C12orf75: variants seen among roughly 807,000 people sequenced by gnomAD.
C12orf75 encodes the protein overexpressed in colon carcinoma 1 protein.
In C12orf75, 4 loss-of-function variants were observed where a neutral mutation model predicts 11.4. The observed-to-expected ratio is 0.35, with a 90% CI of 0.17 to 0.80. The LOEUF is 0.80. Among genes scored for constraint, C12orf75 ranks in the 30% least tolerant of loss-of-function variants. C12orf75 has a pLI of 0.52. For missense variants in C12orf75, 89 were observed against 80.4 expected, an observed-to-expected ratio of 1.11 and a Z score of -0.41; for synonymous variants, 30 against 30.0, an observed-to-expected ratio of 1.00 and a Z score of 0.00.
At chr12:105,331,026 CAG>C in intron 1 of C12orf75, 89 bp downstream of exon 1, 7 of 803,270 alleles carry the variant, frequency 8.7e-6, no homozygotes, top group African/African-American at 1.8e-5. Flanking sequence ...GGGGGGCGCG[CAG>C]CCCCCTCTCC....
intron 1 of C12orf75, among the ~76,000 whole-genome samples, chr12:105,338,297 C>T (rs949362618): frequency 4.6e-5 from 7 of 152,188 alleles, no homozygotes; most frequent in Non-Finnish European, 8.8e-5. Context: ...TCCTCGGCCT[C>T]CCGAGTAGCT....
At chr12:105,368,360 G>C (rs1175723965) in intron 5 of C12orf75, among the ~76,000 whole-genome samples, 29 of 152,150 alleles carry the variant, frequency 1.9e-4, no homozygotes, top group Admixed American at 1.9e-3. Context: ...TCCTGAGATA[G>C]CCTGTTCTAT....
chr12:105,336,480 A>C (rs180934136), intron 1 of C12orf75, among the ~76,000 whole-genome samples: 5 of 152,370 alleles, frequency 3.3e-5, no homozygotes, highest in Admixed American at 3.3e-4. Flanking sequence ...CGTATATTGT[A>C]AGTACCCAAT....
rs1363787643 is a variant in C12orf75 at position 105,336,884 on chromosome 12, G to A, written c.46+5947G>A. 2.6e-5 allele frequency among the ~76,000 whole-genome samples: 4 copies of A among 152,298 alleles called. No homozygotes were observed. The South Asian group carries it at 8.3e-4, about 32-fold the overall frequency. On this transcript the variant is annotated intron_variant, in intron 1 of 5. Coordinates refer to ENST00000443585, the MANE Select transcript of C12orf75 (RefSeq NM_001145199.2). The stretch of plus-strand genomic sequence containing the variant: ...GAGGTGTGGAGACCCCTCTGCTCAG[G>A]TAGTAATCATTGGTGAGACAGAACC...
At chr12:105,331,632 A>G (rs1474823910) in intron 1 of C12orf75, among the ~76,000 whole-genome samples, 1 of 151,024 alleles carries the variant, frequency 6.6e-6, no homozygotes. Context: ...ACAAATAGAA[A>G]CTTCTTTTTA....
At chr12:105,370,492 CTTAAA>C in intron 5 of C12orf75, 137 bp from the exon 6 acceptor site, 3 of 421,838 alleles carry the variant, frequency 7.1e-6, no homozygotes, top group South Asian at 5.2e-5. Context: ...CCACCTAAGT[CTTAAA>C]TTAATATTGG....
Position 105,365,807 on chromosome 12 carries a change from A to G in C12orf75, c.72A>G (p.Val24=). The change falls in exon 3 of 6, where the codon GTA becomes GTG. Residue 24 remains valine (V), a splice_region_variant and synonymous_variant. Transcript: ENST00000443585. ...GQGPAGAAKD[V]TEESVTEDDK... ...ATAGCAAATGTTTCTGACCTTTTAG[A>G]ACAGAAGAATCCGTAACAGAAGATG... 1.3e-6 allele frequency: 2 copies of G among 1,547,898 alleles called. No individual in the cohort carries two copies. Among genetic ancestry groups the G allele is most frequent in the South Asian group, 1.2e-5 (1 of 83,978 alleles).
chr12:105,368,866 T>C (rs1316931130), intron 5 of C12orf75, among the ~76,000 whole-genome samples: 1 of 152,184 alleles, frequency 6.6e-6, no homozygotes, highest in African/African-American at 2.4e-5. Context: ...GAACAGAGGG[T>C]ATTCGGTTTC....
At chr12:105,353,773 TAAA>T (rs1297240279) in intron 2 of C12orf75, among the ~76,000 whole-genome samples, 1 of 152,122 alleles carries the variant, frequency 6.6e-6, no homozygotes, top group Non-Finnish European at 1.5e-5. Flanking sequence ...CTGTTGAAAA[TAAA>T]AAACCATAGC....
chr12:105,361,505 C>T (rs1368298617), intron 2 of C12orf75, among the ~76,000 whole-genome samples: 7 of 152,162 alleles, frequency 4.6e-5, no homozygotes, highest in African/African-American at 7.2e-5. Context: ...ACCAAAAAAA[C>T]GACCTTTAGG....
chr12:105,339,845 C>T (rs1892545450), intron 1 of C12orf75, among the ~76,000 whole-genome samples: 1 of 151,868 alleles, frequency 6.6e-6, no homozygotes, highest in Non-Finnish European at 1.5e-5. Context: ...TGGTCTCGAT[C>T]TCCTGACCTC....
chr12:105,338,216 C>T (rs574817561), intron 1 of C12orf75, among the ~76,000 whole-genome samples: 12 of 152,192 alleles, frequency 7.9e-5, no homozygotes, highest in Non-Finnish European at 1.6e-4. Context: ...GCTCTGTCAC[C>T]CAGGATGGAA....
chr12:105,352,314 G>A (rs538803020), intron 2 of C12orf75, among the ~76,000 whole-genome samples: 6 of 152,288 alleles, frequency 3.9e-5, no homozygotes, highest in Admixed American at 3.3e-4. Flanking sequence ...CCAGGTGCAA[G>A]GAAGTGGAGA....
intron 2 of C12orf75, among the ~76,000 whole-genome samples, chr12:105,357,794 G>GTGTGTA (rs1380487228): frequency 1.2e-4 from 18 of 146,146 alleles, no homozygotes; most frequent in African/African-American, 4.6e-4. Context: ...GTGTGTGTGT[G>GTGTGTA]TGTGTGTGTG....
At chr12:105,362,374 G>A (rs1312387023) in intron 2 of C12orf75, among the ~76,000 whole-genome samples, 6 of 91,722 alleles carry the variant, frequency 6.5e-5, no homozygotes, top group African/African-American at 2.9e-4. Flanking sequence ...GACAGAGCGA[G>A]ACTCCGTCTC....
At chr12:105,363,388 G>A (rs1310572488) in intron 2 of C12orf75, among the ~76,000 whole-genome samples, 1 of 152,210 alleles carries the variant, frequency 6.6e-6, no homozygotes, top group African/African-American at 2.4e-5. Flanking sequence ...ATACATGGGA[G>A]TGAGTATGCA....
intron 2 of C12orf75, among the ~76,000 whole-genome samples, chr12:105,365,067 C>A (rs1871427337): frequency 6.6e-6 from 1 of 151,968 alleles, no homozygotes; most frequent in African/African-American, 2.4e-5. Context: ...GAACTCCTGA[C>A]CTCAGGTGAT....
At chr12:105,348,729 A>G (rs767245073) in intron 2 of C12orf75, 103 bp downstream of exon 2, 143 of 695,872 alleles carry the variant, frequency 2.1e-4, no homozygotes, top group Admixed American at 2.5e-4. Flanking sequence ...CTGAAAAGAC[A>G]TGGAAATACT....
At chr12:105,355,801 AT>A (rs1229983371) in intron 2 of C12orf75, among the ~76,000 whole-genome samples, 2 of 152,198 alleles carry the variant, frequency 1.3e-5, no homozygotes, top group Admixed American at 1.3e-4. Flanking sequence ...AGCAAATGAT[AT>A]TTTTACAACC....
Sources: gnomAD v4.1 joint callset for allele counts (sites outside exome capture counted in the v4.1 genomes callset) on GRCh38, gnomAD v4.1.1 for gene constraint, MANE v1.5 for transcripts, NCBI Gene and HGNC (gene_info 2026-07-23, HGNC 2026-07-21) for gene names.